The following SHISA9 variants were observed in gnomAD, a reference collection of about 807,000 sequenced individuals.
The protein encoded by SHISA9 is shisa family member 9.
A neutral mutation model predicts 38.0 loss-of-function variants in SHISA9; 13 were observed. The ratio of observed to expected loss-of-function variants is 0.34; its 90% confidence interval spans 0.22 to 0.54. SHISA9 has a LOEUF of 0.54. Among genes scored for constraint, SHISA9 ranks in the 20% least tolerant of loss-of-function variants. The pLI is 0.91. For missense variants in SHISA9, 538 were observed against 575.8 expected (o/e 0.93, Z 0.67); for synonymous variants, 275 against 242.0 (o/e 1.14, Z -1.27).
the SHISA9 span, among the ~76,000 whole-genome samples, chr16:13,404,212 G>A: frequency 6.6e-6 from 1 of 152,150 alleles, no homozygotes; most frequent in Non-Finnish European, 1.5e-5. Context: ...ATGTAGCCAG[G>A]CACTTTGCTG....
At chr16:13,221,638 T>A (rs1221288526) in intron 4 of SHISA9, among the ~76,000 whole-genome samples, 1 of 152,150 alleles carries the variant, frequency 6.6e-6, no homozygotes, top group Non-Finnish European at 1.5e-5. Flanking sequence ...GAGATATGAT[T>A]CACCTATCAT....
At chr16:13,015,914 T>C in intron 2 of SHISA9, among the ~76,000 whole-genome samples, 3 of 120,738 alleles carry the variant, frequency 2.5e-5, no homozygotes, top group Non-Finnish European at 1.7e-5. Context: ...TTCTTTTCTT[T>C]CTTTCTCCTT....
the SHISA9 span, among the ~76,000 whole-genome samples, chr16:13,336,844 T>G: frequency 2.6e-5 from 4 of 152,156 alleles, no homozygotes; most frequent in African/African-American, 9.7e-5. Flanking sequence ...GTAACAACCT[T>G]TCTGTGGAGG....
the SHISA9 span, among the ~76,000 whole-genome samples, chr16:13,401,776 G>A: frequency 6.6e-6 from 1 of 152,114 alleles, no homozygotes; most frequent in Non-Finnish European, 1.5e-5. Context: ...TACTGCTATG[G>A]AGAAATGCCT....
intron 2 of SHISA9, among the ~76,000 whole-genome samples, chr16:13,054,376 T>C (rs375651256): frequency 2.0e-5 from 3 of 152,228 alleles, no homozygotes; most frequent in East Asian, 3.8e-4. Flanking sequence ...ACCCTCCTTC[T>C]TTCCCATCCA....
intron 2 of SHISA9, among the ~76,000 whole-genome samples, chr16:13,187,427 T>G (rs2050837814): frequency 6.7e-6 from 1 of 148,202 alleles, no homozygotes; most frequent in South Asian, 2.2e-4. Context: ...CTCCACCTCC[T>G]GTGTTCAAGC....
intron 2 of SHISA9, among the ~76,000 whole-genome samples, chr16:13,069,883 T>C (rs2073490534): frequency 6.6e-6 from 1 of 152,002 alleles, no homozygotes; most frequent in Non-Finnish European, 1.5e-5. Flanking sequence ...AGAAGAGAGG[T>C]GTCTATGAGG....
the SHISA9 span, among the ~76,000 whole-genome samples, chr16:13,303,272 A>G: frequency 6.6e-6 from 1 of 152,238 alleles, no homozygotes; most frequent in East Asian, 1.9e-4. Flanking sequence ...ATACATGTGC[A>G]TGTATGTTCA....
the SHISA9 span, among the ~76,000 whole-genome samples, chr16:13,245,612 A>G: frequency 1.3e-5 from 2 of 152,332 alleles, no homozygotes; most frequent in East Asian, 1.9e-4. Flanking sequence ...TTCGCCACTC[A>G]TAGAAGAAGA....
chr16:13,552,449 C>T, the SHISA9 span, among the ~76,000 whole-genome samples: 1 of 152,058 alleles, frequency 6.6e-6, no homozygotes, highest in African/African-American at 2.4e-5. Flanking sequence ...GCAGCAACCA[C>T]CAAGACATGG....
chr16:13,102,685 C>T (rs71390323), intron 2 of SHISA9, among the ~76,000 whole-genome samples: 2,185 of 152,246 alleles, frequency 0.014, 34 homozygotes, highest in South Asian at 0.031. Context: ...TTCCCCACAC[C>T]ATCCCTGTTT....
chr16:13,209,729 G>A (rs2051099756), intron 3 of SHISA9, among the ~76,000 whole-genome samples: 1 of 152,164 alleles, frequency 6.6e-6, no homozygotes, highest in African/African-American at 2.4e-5. Context: ...CCTGGCCTGA[G>A]GTGCCCATAT....
At chr16:13,135,789 A>T (rs370238103) in intron 2 of SHISA9, among the ~76,000 whole-genome samples, 32 of 152,336 alleles carry the variant, frequency 2.1e-4, no homozygotes, top group African/African-American at 6.5e-4. Context: ...AAAAGGAAAC[A>T]AACCAGATTG....
the SHISA9 span, chr16:13,331,506 A>G: frequency 4.6e-5 from 7 of 152,322 alleles, no homozygotes; most frequent in African/African-American, 1.7e-4. Context: ...ATTATACATA[A>G]TACATTTTTA....
At chr16:12,973,283 T>C (rs2072109712) in intron 2 of SHISA9, among the ~76,000 whole-genome samples, 2 of 152,200 alleles carry the variant, frequency 1.3e-5, no homozygotes, top group South Asian at 4.1e-4. Context: ...TGCTAACAGG[T>C]TTCCTGGAAT....
the SHISA9 span, among the ~76,000 whole-genome samples, chr16:13,380,811 T>TACCCCCCC: frequency 6.8e-6 from 1 of 147,988 alleles, no homozygotes; most frequent in Non-Finnish European, 1.5e-5. Flanking sequence ...CCTAATGTTA[T>TACCCCCCC]CCCTCCCCTA....
chr16:13,147,065 C>T (rs933323440), intron 2 of SHISA9, among the ~76,000 whole-genome samples: 3 of 152,164 alleles, frequency 2.0e-5, no homozygotes, highest in African/African-American at 7.2e-5. Flanking sequence ...TGTCCTTATT[C>T]TTTCTGCAAA....
chr16:13,061,293 G>A (rs772095171), intron 2 of SHISA9, among the ~76,000 whole-genome samples: 4 of 152,138 alleles, frequency 2.6e-5, no homozygotes, highest in Non-Finnish European at 4.4e-5. Flanking sequence ...GAATCATTCC[G>A]CAGCCTACAC....
the SHISA9 span, among the ~76,000 whole-genome samples, chr16:13,391,743 T>C: frequency 2.6e-5 from 4 of 152,192 alleles, no homozygotes; most frequent in African/African-American, 9.7e-5. Flanking sequence ...AGACCTCTGA[T>C]CTTGGATAAC....
Sources: gnomAD v4.1 joint callset for allele counts (sites outside exome capture counted in the v4.1 genomes callset) on GRCh38, gnomAD v4.1.1 for gene constraint, MANE v1.5 for transcripts, NCBI Gene and HGNC (gene_info 2026-07-23, HGNC 2026-07-21) for gene names.